Variants in LEO1 observed in about 807,000 individuals in gnomAD.
LEO1 encodes LEO1 component of Paf1/RNA polymerase II complex, also known as RNA polymerase-associated protein LEO1.
A neutral mutation model predicts 80.4 loss-of-function variants in LEO1; 34 were observed. That is an observed-to-expected ratio of 0.42 (90% CI 0.32 to 0.56). LEO1 has a LOEUF of 0.56. LEO1 is among the 20% of genes least tolerant of loss of function. The probability of loss-of-function intolerance (pLI) is 0.10; values close to 1 mark genes in which losing one functional copy is unlikely to be tolerated. For missense variants in LEO1, 631 were observed against 814.2 expected, an observed-to-expected ratio of 0.77 and a Z score of 2.74; for synonymous variants, 262 against 274.9, an observed-to-expected ratio of 0.95 and a Z score of 0.46.
intron 1 of LEO1, 53 bp downstream of exon 1, chr15:51,971,635 C>T: frequency 6.3e-7 from 1 of 1,583,404 alleles, no homozygotes; most frequent in Non-Finnish European, 8.7e-7. Context: ...TTGTCCGGCT[C>T]CCACAGCGGA....
intron 1 of LEO1, among the ~76,000 whole-genome samples, chr15:51,968,951 CA>C (rs1219042491): frequency 6.6e-6 from 1 of 151,914 alleles, no homozygotes; most frequent in Non-Finnish European, 1.5e-5. Context: ...ACAATAAAAC[CA>C]ATTTCTTTGT....
rs2057109123 is a variant in LEO1 at position 51,969,870 on chromosome 15, A to G, written c.58+1818T>C. On this transcript the variant is annotated intron_variant, in intron 1 of 11. Transcript: ENST00000299601. ...AAAAAAAAAAAAAAAAAAGATGTTC[A>G]GCATCATTAGCCTTTGGGAAAGTGT... is the stretch of plus-strand genomic sequence containing the variant. Among the ~76,000 whole-genome samples, 3 of 148,330 alleles carry G rather than the reference A, an allele frequency of 2.0e-5. No homozygotes were observed. In the South Asian group the frequency reaches 6.4e-4, roughly 32 times the overall value.
intron 1 of LEO1, among the ~76,000 whole-genome samples, chr15:51,971,084 A>C (rs561233491): frequency 6.6e-6 from 1 of 152,028 alleles, no homozygotes; most frequent in Admixed American, 6.6e-5. Flanking sequence ...GACCCCATGC[A>C]CTCCCCAATC....
chr15:51,965,816 T>C lies in LEO1; in HGVS notation c.747A>G (p.Glu249=). ...GTTCTTCATCTGAGGCCTGTGGCCT[T>C]TCATCATCAGAATTTTGCATTTTCT... is the stretch of plus-strand genomic sequence containing the variant. ...DEEKMQNSDD[E]RPQASDEEHR... Residue 249 remains glutamate, a synonymous_variant, in exon 2 of 12, where the codon GAA becomes GAG. Transcript: ENST00000299601. The C allele has an allele frequency of 1.9e-6, 3 of 1,614,070 alleles. No homozygotes were observed. In the South Asian group the frequency reaches 3.3e-5, roughly 18 times the overall value.
At chr15:51,955,255 G>A (rs2056980251) in intron 6 of LEO1, among the ~76,000 whole-genome samples, 1 of 152,114 alleles carries the variant, frequency 6.6e-6, no homozygotes, top group Non-Finnish European at 1.5e-5. Flanking sequence ...AAATTTTGAA[G>A]TGAAACCCCT....
chr15:51,950,089 T>C (rs1376067310), intron 9 of LEO1, 95 bp from the exon 10 acceptor site: 1 of 1,044,050 alleles, frequency 9.6e-7, no homozygotes, highest in Non-Finnish European at 1.4e-6. Flanking sequence ...TAATGTCTGG[T>C]CCAGATAACA....
chr15:51,965,692 C>G (rs2057068981), intron 2 of LEO1, 57 bp downstream of exon 2: 1 of 1,534,362 alleles, frequency 6.5e-7, no homozygotes, highest in Non-Finnish European at 8.7e-7. Flanking sequence ...CTAAATGGGT[C>G]CCTGCTGTAT....
intron 3 of LEO1, 89 bp from the exon 4 acceptor site, chr15:51,960,822 C>T: frequency 1.3e-6 from 1 of 767,422 alleles, no homozygotes; most frequent in Non-Finnish European, 2.2e-6. Flanking sequence ...CCCAAGGTTT[C>T]TGGACCAGCA....
intron 6 of LEO1, among the ~76,000 whole-genome samples, chr15:51,958,325 G>C (rs2057005268): frequency 6.6e-6 from 1 of 151,388 alleles, no homozygotes; most frequent in African/African-American, 2.4e-5. Flanking sequence ...ATGGTGGCAT[G>C]TTTTCTGTAG....
At chr15:51,945,135 AG>A (rs1420833756) in intron 11 of LEO1, among the ~76,000 whole-genome samples, 2 of 152,000 alleles carry the variant, frequency 1.3e-5, no homozygotes, top group Non-Finnish European at 2.9e-5. Context: ...AAAATAAAAC[AG>A]TCCATCGCAG....
intron 11 of LEO1, 78 bp downstream of exon 11, chr15:51,947,214 A>G: frequency 3.3e-6 from 3 of 906,160 alleles, no homozygotes; most frequent in Non-Finnish European, 5.5e-6. Context: ...TGCCTGCCTG[A>G]TCTGTGAGCT....
chr15:51,968,878 T>A (rs1242625169), intron 1 of LEO1, among the ~76,000 whole-genome samples: 4 of 152,078 alleles, frequency 2.6e-5, no homozygotes, highest in Non-Finnish European at 5.9e-5. Flanking sequence ...GAAGAAAATA[T>A]TTGCAAACCA....
intron 9 of LEO1, 107 bp downstream of exon 9, chr15:51,951,737 G>A (rs1178983793): frequency 6.3e-6 from 6 of 946,156 alleles, no homozygotes; most frequent in African/African-American, 3.3e-5. Context: ...ATGTCAGTTG[G>A]AAGAGGAAAA....
At chr15:51,965,244 C>G (rs2057065473) in intron 2 of LEO1, among the ~76,000 whole-genome samples, 1 of 152,194 alleles carries the variant, frequency 6.6e-6, no homozygotes, top group African/African-American at 2.4e-5. Flanking sequence ...GTAAATTTGA[C>G]TAGTTTGAGT....
intron 5 of LEO1, among the ~76,000 whole-genome samples, chr15:51,959,338 A>G (rs973553027): frequency 1.3e-5 from 2 of 152,186 alleles, no homozygotes; most frequent in East Asian, 3.8e-4. Flanking sequence ...TTGTTAATAC[A>G]TATTGCTTGA....
chr15:51,952,016 C>G, intron 8 of LEO1, 37 bp from the exon 9 acceptor site: 1 of 1,573,728 alleles, frequency 6.4e-7, no homozygotes, highest in Non-Finnish European at 8.7e-7. Flanking sequence ...TCACTGTTTA[C>G]CAAATACATT....
chr15:51,939,184 G>A (rs1001720506), intron 11 of LEO1, among the ~76,000 whole-genome samples: 11 of 152,214 alleles, frequency 7.2e-5, no homozygotes, highest in South Asian at 2.1e-4. Context: ...GCAAGACTCC[G>A]TCTCAAAAAT....
Position 51,954,510 on chromosome 15 carries a change from A to G in LEO1, c.1311T>C (p.Asn437=). 1 of 1,613,646 alleles carries G rather than the reference A, an allele frequency of 6.2e-7. No homozygotes were observed. The highest frequency in any genetic ancestry group is 1.1e-5 in the South Asian group (1 of 91,060). Residue 437 remains asparagine, a synonymous_variant, in exon 7 of 12, where the codon AAT becomes AAC. Coordinates refer to ENST00000299601, the MANE Select transcript of LEO1 (RefSeq NM_138792.4). ...CATCTGACCACTTGACTATCCGAGC[A>G]TTGCTTTCTTTAATTTCATTTCCTT... ...DEEGNEIKES[N]ARIVKWSDGS... is the part of the protein sequence containing the mutation.
intron 7 of LEO1, among the ~76,000 whole-genome samples, chr15:51,953,829 G>A (rs949804537): frequency 6.6e-6 from 1 of 152,050 alleles, no homozygotes; most frequent in Non-Finnish European, 1.5e-5. Context: ...TGGGCACGGT[G>A]GTTGACGCCT....
Sources: gnomAD v4.1 joint callset for allele counts (sites outside exome capture counted in the v4.1 genomes callset) on GRCh38, gnomAD v4.1.1 for gene constraint, MANE v1.5 for transcripts, NCBI Gene and HGNC (gene_info 2026-07-23, HGNC 2026-07-21) for gene names.